Variants in CSMD1 observed in about 807,000 individuals in gnomAD.
CSMD1 encodes CUB and Sushi multiple domains 1, also known as CUB and sushi domain-containing protein 1.
In CSMD1, 213 loss-of-function variants were observed where a neutral mutation model predicts 417.5. The observed-to-expected ratio is 0.51, with a 90% CI of 0.46 to 0.57. The LOEUF (loss-of-function observed/expected upper bound fraction) is 0.57, where lower values mean the gene tolerates loss of function less well. Ranked by LOEUF, CSMD1 falls within the 20% of genes least tolerant of loss-of-function variation. The pLI is 0.00. For synonymous variants in CSMD1, 2,862 were observed against 1,736.8 expected, an observed-to-expected ratio of 1.65 and a Z score of -16.11; for missense variants, 6,923 against 4,529.7, an observed-to-expected ratio of 1.53 and a Z score of -15.17.
At chr8:4,159,135 T>C (rs1797001039) in intron 3 of CSMD1, among the ~76,000 whole-genome samples, 1 of 152,090 alleles carries the variant, frequency 6.6e-6, no homozygotes, top group Non-Finnish European at 1.5e-5. Flanking sequence ...AGGCTGGTCT[T>C]GAACTCCCAA....
chr8:4,066,882 A>C (rs1169990311), intron 3 of CSMD1, among the ~76,000 whole-genome samples: 1 of 152,242 alleles, frequency 6.6e-6, no homozygotes, highest in African/African-American at 2.4e-5. Flanking sequence ...ACAGCCTCAC[A>C]GAACAAACGT....
intron 2 of CSMD1, among the ~76,000 whole-genome samples, chr8:4,483,884 G>T (rs183097065): frequency 6.6e-6 from 1 of 152,120 alleles, no homozygotes; most frequent in African/African-American, 2.4e-5. Context: ...AGTCAAAAAT[G>T]AACCGAAAGG....
At chr8:3,662,599 C>G (rs781704886) in intron 7 of CSMD1, among the ~76,000 whole-genome samples, 5 of 152,152 alleles carry the variant, frequency 3.3e-5, no homozygotes, top group Middle Eastern at 3.2e-3. Context: ...GGTTCTACAT[C>G]CTTGAAGAAT....
intron 2 of CSMD1, among the ~76,000 whole-genome samples, chr8:4,623,496 T>C (rs1163131781): frequency 6.6e-6 from 1 of 152,058 alleles, no homozygotes; most frequent in Non-Finnish European, 1.5e-5. Context: ...CCACAGTAAT[T>C]AAACTATTTT....
intron 3 of CSMD1, among the ~76,000 whole-genome samples, chr8:4,248,953 A>T (rs965310978): frequency 3.3e-5 from 5 of 152,210 alleles, no homozygotes; most frequent in Admixed American, 1.3e-4. Flanking sequence ...TAATACCATA[A>T]TGCTACTTTT....
At chr8:3,662,845 G>C (rs993905907) in intron 7 of CSMD1, among the ~76,000 whole-genome samples, 1 of 152,198 alleles carries the variant, frequency 6.6e-6, no homozygotes, top group Non-Finnish European at 1.5e-5. Context: ...TCGGTGGGTA[G>C]GGGGAAAGAG....
intron 2 of CSMD1, among the ~76,000 whole-genome samples, chr8:4,519,723 G>C (rs1370820852): frequency 9.2e-6 from 1 of 108,338 alleles, no homozygotes; most frequent in Non-Finnish European, 1.7e-5. Context: ...AGCCTAGGCA[G>C]CAGAGTCAGA....
At chr8:3,454,582 G>C (rs1815980151) in intron 12 of CSMD1, among the ~76,000 whole-genome samples, 1 of 152,178 alleles carries the variant, frequency 6.6e-6, no homozygotes, top group Non-Finnish European at 1.5e-5. Context: ...AACTTAGTTT[G>C]GCTGGATATG....
chr8:4,631,771 C>A (rs1332459547), intron 2 of CSMD1, among the ~76,000 whole-genome samples: 1 of 152,196 alleles, frequency 6.6e-6, no homozygotes, highest in Non-Finnish European at 1.5e-5. Context: ...CCTCTAACCT[C>A]TTCATTATCA....
chr8:4,464,334 G>A (rs1365797346), intron 2 of CSMD1, among the ~76,000 whole-genome samples: 3 of 152,134 alleles, frequency 2.0e-5, no homozygotes, highest in African/African-American at 4.8e-5. Flanking sequence ...GTGCGGTTAT[G>A]TTCTAATAAA....
chr8:3,311,858 CAGTAGTTTATAGCCATAAGCTCTACA>C (rs1289037456), intron 23 of CSMD1, among the ~76,000 whole-genome samples: 4 of 152,098 alleles, frequency 2.6e-5, no homozygotes, highest in East Asian at 1.9e-4. Context: ...CAAATTGTTT[CAGTAGTTTATAGCCATAAGCTCTACA>C]AGTAGTTTAT....
In CSMD1 at chr8:3,210,025, C is replaced by G. The variant is rs892548133; in HGVS notation, c.4868-4405G>C. On this transcript the variant is annotated intron_variant, in intron 30 of 69. Transcript: ENST00000635120. ...AAATTTGTAGGTAATAGACGAATAA[C>G]CAGGAAAAACATTACCCCACGCATC... 3.9e-5 allele frequency among the ~76,000 whole-genome samples: 6 copies of G among 152,180 alleles called. No homozygotes were observed. In the South Asian group the frequency reaches 6.2e-4, roughly 16 times the overall value.
chr8:4,190,979 C>T (rs1798992327), intron 3 of CSMD1, among the ~76,000 whole-genome samples: 1 of 151,936 alleles, frequency 6.6e-6, no homozygotes, highest in Non-Finnish European at 1.5e-5. Flanking sequence ...GGGAGAGGAT[C>T]AGGACAAATG....
At chr8:3,669,133 G>T (rs910585196) in intron 7 of CSMD1, among the ~76,000 whole-genome samples, 2 of 152,150 alleles carry the variant, frequency 1.3e-5, no homozygotes, top group African/African-American at 2.4e-5. Context: ...TATCCCTCAA[G>T]GGCAGAATGG....
At chr8:3,049,356 TA>T (rs1414886024) in intron 50 of CSMD1, among the ~76,000 whole-genome samples, 3 of 152,106 alleles carry the variant, frequency 2.0e-5, no homozygotes, top group Non-Finnish European at 4.4e-5. Context: ...CGTAAACGGG[TA>T]AATAAGCCAT....
chr8:4,541,631 C>T (rs1411954269), intron 2 of CSMD1, among the ~76,000 whole-genome samples: 3 of 151,936 alleles, frequency 2.0e-5, no homozygotes, highest in African/African-American at 7.3e-5. Context: ...ACCTGTAATC[C>T]CAACTACTCA....
At chr8:4,251,328 T>C (rs1426022860) in intron 3 of CSMD1, among the ~76,000 whole-genome samples, 1 of 152,216 alleles carries the variant, frequency 6.6e-6, no homozygotes, top group Non-Finnish European at 1.5e-5. Flanking sequence ...ATTTGCATTA[T>C]GCCACATTTA....
At chr8:4,256,877 G>T (rs1319638679) in intron 3 of CSMD1, among the ~76,000 whole-genome samples, 4 of 152,144 alleles carry the variant, frequency 2.6e-5, no homozygotes, top group Non-Finnish European at 5.9e-5. Flanking sequence ...GGGGAGAATC[G>T]CTACTGGACG....
chr8:3,867,476 C>A (rs754783345), intron 5 of CSMD1, among the ~76,000 whole-genome samples: 1 of 152,136 alleles, frequency 6.6e-6, no homozygotes, highest in Non-Finnish European at 1.5e-5. Context: ...CAAAATATAT[C>A]TGACCTGCTG....
Sources: allele counts gnomAD v4.1 joint callset (sites outside exome capture counted in the v4.1 genomes callset), GRCh38; gene constraint gnomAD v4.1.1; transcripts MANE v1.5; gene names NCBI Gene and HGNC (gene_info 2026-07-23, HGNC 2026-07-21).